The following ZC3H18 variants were observed in gnomAD, a reference collection of about 807,000 sequenced individuals.
The protein encoded by ZC3H18 is zinc finger CCCH-type containing 18.
In ZC3H18, 8 loss-of-function variants were observed where a neutral mutation model predicts 106.1. That is an observed-to-expected ratio of 0.08 (90% CI 0.04 to 0.14). The LOEUF (loss-of-function observed/expected upper bound fraction) is 0.14, where lower values mean the gene tolerates loss of function less well. Ranked by LOEUF, ZC3H18 falls within the 10% of genes least tolerant of loss-of-function variation. The pLI, the probability that ZC3H18 is intolerant of heterozygous loss-of-function variation, is 1.00. For missense variants in ZC3H18, 1,318 were observed against 1,278.4 expected (o/e 1.03, Z -0.47); for synonymous variants, 635 against 522.1 (o/e 1.22, Z -2.95).
intron 3 of ZC3H18, among the ~76,000 whole-genome samples, chr16:88,594,084 G>A (rs1048756495): frequency 6.6e-6 from 1 of 152,136 alleles, no homozygotes; most frequent in Non-Finnish European, 1.5e-5. Context: ...CTCTCTAGCT[G>A]CATCTCTTCC....
intron 8 of ZC3H18, among the ~76,000 whole-genome samples, chr16:88,612,009 C>G (rs1368652637): frequency 6.6e-6 from 1 of 152,134 alleles, no homozygotes; most frequent in Non-Finnish European, 1.5e-5. Context: ...ACTCTAGCAG[C>G]CAGCATGCAG....
In ZC3H18 at chr16:88,574,567, C is replaced by A. The variant is rs1012119674; in HGVS notation, c.-14-2543C>A. ...TTTGAGTCAGGGTCTCACTCTGTCACCCAGGCTGAACTGCAGCCTCAACCT... is the reference window on the plus strand; with the variant it reads ...TTTGAGTCAGGGTCTCACTCTGTCAACCAGGCTGAACTGCAGCCTCAACCT... On this transcript the variant is annotated intron_variant, in intron 1 of 17. Coordinates refer to ENST00000301011, the MANE Select transcript of ZC3H18 (RefSeq NM_144604.4). Among the ~76,000 whole-genome samples, 5 of 151,384 alleles carry A rather than the reference C, an allele frequency of 3.3e-5. No homozygotes were observed. The South Asian group carries it at 1.0e-3, about 32-fold the overall frequency.
intron 2 of ZC3H18, 135 bp from the exon 3 acceptor site, chr16:88,586,465 G>A (rs1391702010): frequency 6.7e-6 from 5 of 749,608 alleles, no homozygotes; most frequent in Non-Finnish European, 1.2e-5. Flanking sequence ...CCTAAGATTT[G>A]GAAAATTGAC....
intron 15 of ZC3H18, among the ~76,000 whole-genome samples, chr16:88,628,405 C>T (rs1906450553): frequency 6.6e-6 from 1 of 152,160 alleles, no homozygotes; most frequent in African/African-American, 2.4e-5. Context: ...CAACACAATA[C>T]AGGAAGCCTC....
At chr16:88,613,022 T>C (rs1435737943) in intron 8 of ZC3H18, among the ~76,000 whole-genome samples, 5 of 151,990 alleles carry the variant, frequency 3.3e-5, no homozygotes, top group Non-Finnish European at 7.4e-5. Context: ...AGAAGAAACA[T>C]TGTACCCATC....
Position 88,627,808 on chromosome 16 carries a change from G to T in ZC3H18, c.2269+26G>T. On this transcript the variant is annotated intron_variant, in intron 14 of 17. Coordinates refer to ENST00000301011, the MANE Select transcript of ZC3H18 (RefSeq NM_144604.4). This position sits in a 1 kb window ranked among gnomAD's most constrained non-coding sequence, Gnocchi z 4.5. ...GTACTCAGGAGCCCTGGTACCTTTG[G>T]GGAGCAGCTCCCGGGGGAGGAGGGC... The T allele has an allele frequency of 3.1e-6, 5 of 1,609,796 alleles. No homozygotes were observed. Among genetic ancestry groups the T allele is most frequent in the Non-Finnish European group, 4.2e-6 (5 of 1,177,028 alleles).
intron 1 of ZC3H18, among the ~76,000 whole-genome samples, chr16:88,571,445 G>C (rs1240515247): frequency 6.6e-6 from 1 of 152,192 alleles, no homozygotes; most frequent in Non-Finnish European, 1.5e-5. Flanking sequence ...TTCCCGTTCA[G>C]TAGTTGGGAT....
At chr16:88,615,235 G>A (rs993237373) in intron 8 of ZC3H18, among the ~76,000 whole-genome samples, 2 of 148,260 alleles carry the variant, frequency 1.3e-5, no homozygotes, top group Non-Finnish European at 3.0e-5. Context: ...CACCTCCTCC[G>A]TTCCCTCTGC....
rs1312866973 is a variant in ZC3H18 at position 88,631,748 on chromosome 16, C to G, written c.*449C>G. 1 of 380,790 alleles carries G rather than the reference C, an allele frequency of 2.6e-6. No homozygotes were observed. The highest frequency in any genetic ancestry group is 2.1e-5 in the African/African-American group (1 of 47,096). 23.6% of individuals were successfully genotyped at this position (380,790 alleles called of 1,614,324 possible). On this transcript the variant is annotated 3_prime_UTR_variant, in exon 18 of 18. Transcript: ENST00000301011. ...CTTCTCCTCCCCCGCCCCTGATCAC[C>G]CGCCCCCGGATCAGAAATATATCTA...
chr16:88,572,548 C>A (rs866879813), intron 1 of ZC3H18, among the ~76,000 whole-genome samples: 10 of 152,014 alleles, frequency 6.6e-5, no homozygotes, highest in African/African-American at 2.2e-4. Flanking sequence ...TTATTTCATT[C>A]CTTAGGCAAG....
chr16:88,613,200 C>T (rs553839468), intron 8 of ZC3H18, among the ~76,000 whole-genome samples: 81 of 152,218 alleles, frequency 5.3e-4, no homozygotes, highest in Non-Finnish European at 9.7e-4. Flanking sequence ...CACGTTGTAG[C>T]GTGGGTCAGT....
At chr16:88,603,435 A>T (rs1011676709) in intron 6 of ZC3H18, among the ~76,000 whole-genome samples, 4 of 151,504 alleles carry the variant, frequency 2.6e-5, no homozygotes, top group Non-Finnish European at 4.4e-5. Flanking sequence ...AGGCTGGGCA[A>T]CACGGTGAAA....
At chr16:88,606,346 G>C (rs899020084) in intron 6 of ZC3H18, among the ~76,000 whole-genome samples, 1 of 152,218 alleles carries the variant, frequency 6.6e-6, no homozygotes. Flanking sequence ...CGCATGCTGC[G>C]GAGCAGATGG....
chr16:88,630,090 G>A (rs78724124), intron 16 of ZC3H18: 197 of 172,508 alleles, frequency 1.1e-3, no homozygotes, highest in African/African-American at 4.1e-3. Flanking sequence ...CGGTTGCCGC[G>A]CCTCCCTCCT....
chr16:88,587,677 C>A, intron 3 of ZC3H18: 1 of 1,409,942 alleles, frequency 7.1e-7, no homozygotes, highest in Non-Finnish European at 9.7e-7. Context: ...AGAGGCCAGA[C>A]TTCCTTCTCC....
chr16:88,596,004 G>A (rs1026223470), intron 3 of ZC3H18, among the ~76,000 whole-genome samples: 1 of 152,152 alleles, frequency 6.6e-6, no homozygotes. Flanking sequence ...CCAGCTAGAC[G>A]TGCAGACCAA....
intron 8 of ZC3H18, among the ~76,000 whole-genome samples, chr16:88,615,885 C>A (rs537345826): frequency 6.6e-6 from 1 of 152,332 alleles, no homozygotes; most frequent in Admixed American, 6.5e-5. Context: ...TTTCTGTGTA[C>A]AAGAATGTAC....
Position 88,630,598 on chromosome 16 carries a change from A to T in ZC3H18, c.2663+17A>T. On this transcript the variant is annotated intron_variant, in intron 17 of 17. Coordinates refer to ENST00000301011, the MANE Select transcript of ZC3H18 (RefSeq NM_144604.4). ...GGCTGACAGGTGAGTCCCACCCAGC[A>T]TGTGCCCTGGGCACACCGAGGGGGC... 1 of 1,590,388 alleles carries T rather than the reference A, an allele frequency of 6.3e-7. No homozygotes were observed. Among genetic ancestry groups the T allele is most frequent in the East Asian group, 2.3e-5 (1 of 44,330 alleles).
chr16:88,617,676 C>T (rs1905706868), intron 8 of ZC3H18, among the ~76,000 whole-genome samples: 1 of 152,320 alleles, frequency 6.6e-6, no homozygotes, highest in South Asian at 2.1e-4. Flanking sequence ...CAGGCTCCTG[C>T]GGTGGGGTTG....
Sources: allele counts gnomAD v4.1 joint callset (sites outside exome capture counted in the v4.1 genomes callset), GRCh38; gene constraint gnomAD v4.1.1; non-coding constraint Gnocchi (gnomAD v3.1); transcripts MANE v1.5; gene names NCBI Gene and HGNC (gene_info 2026-07-23, HGNC 2026-07-21).